The following SAXO1 variants were observed in gnomAD, a reference collection of about 807,000 sequenced individuals.
The protein encoded by SAXO1 is stabilizer of axonemal microtubules 1.
In SAXO1, 21 loss-of-function variants were observed where a neutral mutation model predicts 17.5. The ratio of observed to expected loss-of-function variants is 1.20; its 90% CI spans 0.85 to 1.72. SAXO1 has a LOEUF of 1.72. Ranked by LOEUF, SAXO1 falls within the 40% of genes most tolerant of loss-of-function variation. The pLI, the probability that SAXO1 is intolerant of heterozygous loss-of-function variation, is 0.00. For missense variants in SAXO1, 843 were observed against 596.0 expected (o/e 1.41, Z -4.32); for synonymous variants, 274 against 216.5 (o/e 1.27, Z -2.33).
intron 3 of SAXO1, among the ~76,000 whole-genome samples, chr9:18,936,441 G>C (rs906615399): frequency 1.4e-4 from 21 of 152,112 alleles, no homozygotes; most frequent in African/African-American, 5.1e-4. Context: ...AAGGTACTTG[G>C]GGGTGGGGAG....
intron 1 of SAXO1, among the ~76,000 whole-genome samples, chr9:19,007,163 A>G (rs979252329): frequency 1.3e-5 from 2 of 152,066 alleles, no homozygotes; most frequent in Admixed American, 6.5e-5. Context: ...CCTGGCCAAC[A>G]TGGTGAAACC....
At chr9:18,966,754 A>T (rs1219653154) in intron 1 of SAXO1, among the ~76,000 whole-genome samples, 1 of 152,106 alleles carries the variant, frequency 6.6e-6, no homozygotes, top group Non-Finnish European at 1.5e-5. Flanking sequence ...CAATTCGTCA[A>T]ACTCATTCTC....
At chr9:18,976,859 C>A (rs559934238) in intron 1 of SAXO1, among the ~76,000 whole-genome samples, 1 of 152,202 alleles carries the variant, frequency 6.6e-6, no homozygotes, top group Non-Finnish European at 1.5e-5. Context: ...CACAGCCTGC[C>A]GTCCTCCAGC....
chr9:18,955,933 T>C (rs1832239253), intron 1 of SAXO1, among the ~76,000 whole-genome samples: 1 of 63,312 alleles, frequency 1.6e-5, no homozygotes, highest in Admixed American at 1.5e-4. Flanking sequence ...AGCCTCTACT[T>C]TTAAACTTTT....
At position 19,019,109 on chromosome 9, in the gene SAXO1, C is replaced by CA. The variant is rs1430904528; in HGVS notation, c.38+13761dup. On this transcript the variant is annotated intron_variant, in intron 1 of 3. Coordinates refer to ENST00000380534, the MANE Select transcript of SAXO1 (RefSeq NM_153707.4). ...GGGCAACAAGAGTGAAACTCCATCT[C>CA]AAAAAAAAAGAAAAAAAAAAGAACC... Among the ~76,000 whole-genome samples, 12 of 145,592 alleles carry CA rather than the reference C, an allele frequency of 8.2e-5. No individual in the cohort carries two copies. In the South Asian group the frequency reaches 8.7e-4, roughly 11 times the overall value.
intron 3 of SAXO1, 92 bp from the exon 4 acceptor site, chr9:18,929,147 C>T (rs1028112607): frequency 1.5e-5 from 21 of 1,378,978 alleles, no homozygotes; most frequent in Non-Finnish European, 1.9e-5. Context: ...AGGCAGTCTC[C>T]GATGAAGTGT....
chr9:19,027,361 G>T (rs1234627297), intron 1 of SAXO1: 18 of 777,556 alleles, frequency 2.3e-5, no homozygotes, highest in Non-Finnish European at 3.3e-5. Flanking sequence ...GCGGGTGAAG[G>T]CCACAGAGGT....
chr9:18,928,753 G>C lies in SAXO1; in HGVS notation c.724C>G (p.Gln242Glu). The change falls in exon 4 of 4, where the codon CAA becomes GAA. Residue 242 changes from glutamine to glutamate, a missense_variant. Coordinates refer to ENST00000380534, the MANE Select transcript of SAXO1 (RefSeq NM_153707.4). ...TCCCCCATCAGGCCCCGGTAGGATT[G>C]TTTTTGAGTGGTAAGGCTTTCAAAG... Reference protein sequence around the residue: ...IPFESLTTQKQSYRGLMGEPA... With the variant: ...IPFESLTTQKESYRGLMGEPA... 1.2e-6 allele frequency: 2 copies of C among 1,614,172 alleles called. No homozygotes were observed. Among genetic ancestry groups the C allele is most frequent in the Non-Finnish European group, 1.7e-6 (2 of 1,180,034 alleles).
chr9:18,986,597 C>G (rs559008964), intron 1 of SAXO1, among the ~76,000 whole-genome samples: 7 of 136,572 alleles, frequency 5.1e-5, no homozygotes, highest in African/African-American at 1.8e-4. Flanking sequence ...CTCAAGGAGT[C>G]TTCTCCAAAG....
At chr9:18,964,400 C>G (rs1832631163) in intron 1 of SAXO1, among the ~76,000 whole-genome samples, 1 of 152,130 alleles carries the variant, frequency 6.6e-6, no homozygotes, top group Admixed American at 6.6e-5. Flanking sequence ...CTATCTTGAC[C>G]TGGGCATTTT....
chr9:19,031,238 G>A (rs1249813395), intron 1 of SAXO1, among the ~76,000 whole-genome samples: 2 of 152,236 alleles, frequency 1.3e-5, no homozygotes, highest in Non-Finnish European at 2.9e-5. Flanking sequence ...CTAGAACAAT[G>A]CAGGAGGACA....
At chr9:19,035,625 G>C (rs1835916397), upstream of SAXO1, among the ~76,000 whole-genome samples, 1 of 152,214 alleles carries the variant, frequency 6.6e-6, no homozygotes, top group Non-Finnish European at 1.5e-5. Context: ...GAGAAAATTT[G>C]GAACTTCCTA....
chr9:18,962,991 G>A (rs1023077304), intron 1 of SAXO1, among the ~76,000 whole-genome samples: 5 of 152,116 alleles, frequency 3.3e-5, no homozygotes, highest in African/African-American at 1.2e-4. Flanking sequence ...TGTAAGGAAG[G>A]GGTCCAGTTT....
At chr9:18,986,269 C>A (rs1311694819) in intron 1 of SAXO1, among the ~76,000 whole-genome samples, 10 of 152,174 alleles carry the variant, frequency 6.6e-5, no homozygotes, top group Non-Finnish European at 1.3e-4. Context: ...CTTTTTCATA[C>A]ACAGACAAAC....
chr9:18,934,015 C>T (rs978627060), intron 3 of SAXO1, among the ~76,000 whole-genome samples: 10 of 152,218 alleles, frequency 6.6e-5, no homozygotes, highest in Non-Finnish European at 1.5e-4. Context: ...CCACTGCACT[C>T]CAGCCTGAGT....
At position 18,977,990 on chromosome 9, in the gene SAXO1, T is replaced by C. The variant is rs867230226; in HGVS notation, c.39-27053A>G. ...CAGCCTGGGTAAGAGAATGAGACCCTGCCAAAAAAAAAAAAAAAAAAAAAA... is the reference window on the plus strand; with the variant it reads ...CAGCCTGGGTAAGAGAATGAGACCCCGCCAAAAAAAAAAAAAAAAAAAAAA... On this transcript the variant is annotated intron_variant, in intron 1 of 3. Transcript: ENST00000380534. Among the ~76,000 whole-genome samples the C allele has an allele frequency of 3.3e-3, 260 of 78,282 alleles. 4 individuals are homozygous for C. Among genetic ancestry groups the C allele is most frequent in the African/African-American group, 0.016 (253 of 15,456 alleles). 51.4% of individuals were successfully genotyped at this position (78,282 alleles called of 152,430 possible).
At chr9:18,952,578 G>A (rs1029804321) in intron 1 of SAXO1, among the ~76,000 whole-genome samples, 4 of 152,156 alleles carry the variant, frequency 2.6e-5, no homozygotes, top group African/African-American at 9.7e-5. Flanking sequence ...AGTACCATTA[G>A]AGATATCCCT....
intron 1 of SAXO1, among the ~76,000 whole-genome samples, chr9:18,987,618 G>T (rs1283628114): frequency 6.6e-6 from 1 of 152,136 alleles, no homozygotes. Context: ...TCTTCCTTGG[G>T]CCTGGTATGG....
chr9:19,020,575 T>G (rs1302958499), intron 1 of SAXO1, among the ~76,000 whole-genome samples: 1 of 152,142 alleles, frequency 6.6e-6, no homozygotes, highest in Non-Finnish European at 1.5e-5. Context: ...CCCAGGCTGG[T>G]CTTGAACTCC....
Sources: gnomAD v4.1 joint callset for allele counts (sites outside exome capture counted in the v4.1 genomes callset) on GRCh38, gnomAD v4.1.1 for gene constraint, MANE v1.5 for transcripts, NCBI Gene and HGNC (gene_info 2026-07-23, HGNC 2026-07-21) for gene names.